Variants in STS observed in about 807,000 individuals in gnomAD.
The protein encoded by STS is steroid sulfatase, also known as steryl-sulfatase.
In STS, 7 loss-of-function variants were observed where a neutral mutation model predicts 26.8. The ratio of observed to expected loss-of-function variants is 0.26; its 90% confidence interval spans 0.15 to 0.49. The LOEUF (loss-of-function observed/expected upper bound fraction) is 0.49, where lower values mean the gene tolerates loss of function less well. Among genes scored for constraint, STS ranks in the 20% least tolerant of loss-of-function variants. The pLI is 0.98. For synonymous variants in STS, 199 were observed against 189.4 expected (o/e 1.05, Z -0.42); for missense variants, 434 against 465.6 (o/e 0.93, Z 0.63).
intron 10 of STS, among the ~76,000 whole-genome samples, chrX:7,335,563 G>C (rs1360713193): frequency 7.2e-5 from 8 of 111,842 alleles, no homozygotes; most frequent in Non-Finnish European, 1.1e-4. Context: ...TAGGTTGCCT[G>C]TTCACTCTGA....
intron 7 of STS, 142 bp downstream of exon 7, chrX:7,276,229 C>A: frequency 1.3e-6 from 1 of 782,656 alleles, no homozygotes; most frequent in Non-Finnish European, 1.9e-6. Flanking sequence ...ACCAAAAATG[C>A]ATTGATCCTG....
chrX:7,148,137 G>A (rs927188071), intron 1 of STS, 54 bp downstream of exon 1: 16 of 1,085,365 alleles, frequency 1.5e-5, no homozygotes, highest in East Asian at 7.9e-5. Context: ...GGGTCTGGGT[G>A]GGGGCGAGGA....
chrX:7,215,737 G>C (rs896048174), intron 2 of STS, among the ~76,000 whole-genome samples: 7 of 111,393 alleles, frequency 6.3e-5, no homozygotes, highest in African/African-American at 2.0e-4. Flanking sequence ...CCTCCTGCAG[G>C]GTTGCCCAGG....
intron 2 of STS, among the ~76,000 whole-genome samples, chrX:7,203,795 G>T (rs189712829): frequency 1.1e-3 from 120 of 110,246 alleles, no homozygotes; most frequent in Admixed American, 3.1e-3. Flanking sequence ...TATATATAGA[G>T]AGAGAGAGAG....
At chrX:7,299,399 C>T (rs772858412) in intron 7 of STS, among the ~76,000 whole-genome samples, 190 of 97,699 alleles carry the variant, frequency 1.9e-3, no homozygotes, top group African/African-American at 6.4e-3. Context: ...ATATAATATA[C>T]GTATAAAATA....
chrX:7,193,397 G>T (rs1474313978), intron 2 of STS, among the ~76,000 whole-genome samples: 1 of 107,976 alleles, frequency 9.3e-6, no homozygotes, highest in Admixed American at 1.0e-4. Flanking sequence ...TGTTGTTGTT[G>T]TTTATTTAAT....
At chrX:7,159,692 C>T (rs920047185) in intron 1 of STS, among the ~76,000 whole-genome samples, 7 of 112,098 alleles carry the variant, frequency 6.2e-5, no homozygotes, top group African/African-American at 2.3e-4. Flanking sequence ...GTTAAGTATT[C>T]AGGGCTGGCA....
intron 2 of STS, among the ~76,000 whole-genome samples, chrX:7,219,187 C>T (rs1486219689): frequency 8.9e-6 from 1 of 112,033 alleles, no homozygotes; most frequent in Non-Finnish European, 1.9e-5. Flanking sequence ...GGGAAAATCC[C>T]TTAAACTCCC....
intron 6 of STS, among the ~76,000 whole-genome samples, chrX:7,272,118 T>C (rs919906696): frequency 9.1e-6 from 1 of 109,531 alleles, no homozygotes; most frequent in Non-Finnish European, 1.9e-5. Context: ...GAAAAACTTA[T>C]TAGTATTTGT....
intron 1 of STS, among the ~76,000 whole-genome samples, chrX:7,157,463 A>G (rs1933159019): frequency 9.0e-6 from 1 of 111,702 alleles, no homozygotes; most frequent in African/African-American, 3.3e-5. Flanking sequence ...AGTTATAGGA[A>G]TGTCAAACAT....
At chrX:7,348,650 G>C (rs1057098232) in intron 10 of STS, among the ~76,000 whole-genome samples, 19 of 111,252 alleles carry the variant, frequency 1.7e-4, no homozygotes, top group Non-Finnish European at 3.6e-4. Flanking sequence ...TTATTCATTT[G>C]TTTGTGAATT....
intron 9 of STS, among the ~76,000 whole-genome samples, chrX:7,330,706 A>T (rs1927705012): frequency 8.9e-6 from 1 of 112,057 alleles, no homozygotes; most frequent in Non-Finnish European, 1.9e-5. Context: ...TATCTGCTTT[A>T]CATTAGTTTT....
intron 7 of STS, 24 bp from the exon 8 acceptor site, chrX:7,305,022 A>C: frequency 8.3e-7 from 1 of 1,209,577 alleles, no homozygotes; most frequent in Non-Finnish European, 1.1e-6. Context: ...CATTATTTTT[A>C]AATGGAGTCT....
intron 6 of STS, among the ~76,000 whole-genome samples, chrX:7,271,358 T>C (rs1269607941): frequency 9.0e-6 from 1 of 110,940 alleles, no homozygotes; most frequent in African/African-American, 3.3e-5. Context: ...CACAATCTGC[T>C]TCTGGGGAAG....
At chrX:7,267,702 A>G (rs1924074616) in intron 6 of STS, among the ~76,000 whole-genome samples, 1 of 112,326 alleles carries the variant, frequency 8.9e-6, no homozygotes, top group South Asian at 3.7e-4. Context: ...ACACCTACAT[A>G]ATCTGTATAG....
intron 2 of STS, among the ~76,000 whole-genome samples, chrX:7,238,528 A>C (rs943801953): frequency 9.9e-5 from 11 of 110,707 alleles, no homozygotes; most frequent in Admixed American, 2.9e-4. Flanking sequence ...ATGACAGAGA[A>C]GGGGGAAAAT....
At chrX:7,325,079 C>T (rs147447821) in intron 8 of STS, among the ~76,000 whole-genome samples, 1,251 of 111,645 alleles carry the variant, frequency 0.011, 7 homozygotes, top group Non-Finnish European at 0.016. Context: ...ATCTTTGTTG[C>T]GTTGAGTCCC....
At chrX:7,252,583 T>C (rs1923191983) in intron 2 of STS, among the ~76,000 whole-genome samples, 1 of 111,817 alleles carries the variant, frequency 8.9e-6, no homozygotes, top group African/African-American at 3.3e-5. Flanking sequence ...AGAAGGGGTC[T>C]AACTCAAAGG....
At chrX:7,280,149 C>T (rs762706391) in intron 7 of STS, among the ~76,000 whole-genome samples, 23 of 112,067 alleles carry the variant, frequency 2.1e-4, no homozygotes, top group African/African-American at 7.1e-4. Context: ...TGGATGCTAA[C>T]TGTGTGCTTA....
Sources: allele counts gnomAD v4.1 joint callset (sites outside exome capture counted in the v4.1 genomes callset), GRCh38; gene constraint gnomAD v4.1.1; transcripts MANE v1.5; gene names NCBI Gene and HGNC (gene_info 2026-07-23, HGNC 2026-07-21).